RGS6: variants seen among roughly 807,000 people sequenced by gnomAD.
The protein encoded by RGS6 is regulator of G protein signaling 6.
Under a neutral mutation model 78.5 loss-of-function variants are expected in RGS6, and 30 were observed. That is an observed-to-expected ratio of 0.38 (90% CI 0.29 to 0.52). The LOEUF is 0.52. Ranked by LOEUF, RGS6 falls within the 20% of genes least tolerant of loss-of-function variation. The pLI, the probability that RGS6 is intolerant of heterozygous loss-of-function variation, is 0.85. For missense variants in RGS6, 495 were observed against 609.7 expected, an observed-to-expected ratio of 0.81 and a Z score of 1.98; for synonymous variants, 206 against 206.0, an observed-to-expected ratio of 1.00 and a Z score of 0.00.
intron 2 of RGS6, among the ~76,000 whole-genome samples, chr14:72,348,654 C>T (rs180910028): frequency 2.2e-4 from 33 of 152,096 alleles, no homozygotes; most frequent in African/African-American, 7.7e-4. Flanking sequence ...ATATATAGTC[C>T]CTAAGAGTTT....
chr14:72,033,559 G>A (rs2091240724), intron 2 of RGS6, among the ~76,000 whole-genome samples: 1 of 152,118 alleles, frequency 6.6e-6, no homozygotes, highest in Non-Finnish European at 1.5e-5. Context: ...TTACCCTCAT[G>A]ATCATGTGGC....
chr14:72,360,395 AC>A (rs1205968072), intron 3 of RGS6, among the ~76,000 whole-genome samples: 1 of 151,606 alleles, frequency 6.6e-6, no homozygotes, highest in Non-Finnish European at 1.5e-5. Flanking sequence ...GGTGGCGGGC[AC>A]CTGTAGTCCC....
chr14:72,356,233 G>A (rs1168025780), intron 3 of RGS6, among the ~76,000 whole-genome samples: 2 of 152,124 alleles, frequency 1.3e-5, no homozygotes. Context: ...AGCTCATGGG[G>A]AAGGTTCTCC....
At chr14:72,478,138 A>C in intron 11 of RGS6, 130 bp from the exon 12 acceptor site, 7 of 658,392 alleles carry the variant, frequency 1.1e-5, no homozygotes, top group South Asian at 1.9e-5. Flanking sequence ...GGCAGAGCTG[A>C]GGGAGTTGGA....
intron 3 of RGS6, among the ~76,000 whole-genome samples, chr14:72,368,525 C>G (rs780265351): frequency 1.3e-5 from 2 of 152,120 alleles, no homozygotes; most frequent in Admixed American, 1.3e-4. Context: ...TAATAACGTG[C>G]GATGATGGAT....
intron 2 of RGS6, among the ~76,000 whole-genome samples, chr14:72,138,092 A>G (rs2096475836): frequency 6.6e-6 from 1 of 152,182 alleles, no homozygotes; most frequent in South Asian, 2.1e-4. Context: ...AAGACCAAAT[A>G]TATCTTATTA....
chr14:72,547,091 G>C, intron 17 of RGS6: 1 of 1,325,690 alleles, frequency 7.5e-7, no homozygotes, highest in Non-Finnish European at 1.0e-6. Flanking sequence ...GGAGTGCAGG[G>C]CCCCCCGCAG....
chr14:72,611,737 T>C, the RGS6 span, among the ~76,000 whole-genome samples: 1 of 152,194 alleles, frequency 6.6e-6, no homozygotes, highest in African/African-American at 2.4e-5. Flanking sequence ...GGGCATCCAG[T>C]GCTTGGAAAA....
chr14:71,913,942 T>C, the RGS6 span, among the ~76,000 whole-genome samples: 1 of 152,254 alleles, frequency 6.6e-6, no homozygotes, highest in Admixed American at 6.5e-5. Flanking sequence ...ACTTAACTGT[T>C]AGAACTCATG....
chr14:72,319,483 G>T (rs1203581368), intron 2 of RGS6, among the ~76,000 whole-genome samples: 2 of 151,994 alleles, frequency 1.3e-5, no homozygotes, highest in Admixed American at 1.3e-4. Context: ...CCAAGTAGCT[G>T]GGACTACAGG....
At chr14:71,883,611 G>A in the RGS6 span, among the ~76,000 whole-genome samples, 1 of 152,176 alleles carries the variant, frequency 6.6e-6, no homozygotes, top group Non-Finnish European at 1.5e-5. Context: ...CTAAGTCGCA[G>A]GATGAGAGAG....
the RGS6 span, among the ~76,000 whole-genome samples, chr14:71,916,123 A>G: frequency 6.6e-6 from 1 of 152,252 alleles, no homozygotes; most frequent in Non-Finnish European, 1.5e-5. Context: ...AAAATGGTCT[A>G]ATCAGGATTC....
chr14:72,536,651 G>A (rs1486650000), intron 16 of RGS6, among the ~76,000 whole-genome samples: 1 of 152,144 alleles, frequency 6.6e-6, no homozygotes, highest in Non-Finnish European at 1.5e-5. Context: ...GCAAAGTCCA[G>A]CCCCTTCACC....
intron 2 of RGS6, among the ~76,000 whole-genome samples, chr14:72,153,835 G>A (rs1279236211): frequency 1.3e-5 from 2 of 152,136 alleles, no homozygotes; most frequent in Non-Finnish European, 2.9e-5. Context: ...CCTGATAAGG[G>A]TCTATGTTCA....
At chr14:72,395,279 G>A (rs1026014632) in intron 3 of RGS6, among the ~76,000 whole-genome samples, 4 of 152,080 alleles carry the variant, frequency 2.6e-5, no homozygotes, top group African/African-American at 9.7e-5. Flanking sequence ...AGCATTAAGT[G>A]GACTTCATTT....
chr14:71,913,317 T>C, the RGS6 span, among the ~76,000 whole-genome samples: 1 of 152,222 alleles, frequency 6.6e-6, no homozygotes, highest in African/African-American at 2.4e-5. Context: ...CTGCAAGGCA[T>C]ATGTACTAGC....
At chr14:72,244,676 C>T (rs1029702764) in intron 2 of RGS6, among the ~76,000 whole-genome samples, 1 of 152,148 alleles carries the variant, frequency 6.6e-6, no homozygotes, top group African/African-American at 2.4e-5. Context: ...ATACCTGCAC[C>T]CCACATGTGT....
At chr14:72,354,494 G>A (rs1389362411) in intron 3 of RGS6, among the ~76,000 whole-genome samples, 1 of 150,734 alleles carries the variant, frequency 6.6e-6, no homozygotes. Flanking sequence ...AAAATAGCTG[G>A]GTGTGGTGGC....
Position 72,306,808 on chromosome 14 carries a change from G to T in RGS6, c.85-45287G>T, listed in dbSNP as rs1349746666. Among the ~76,000 whole-genome samples the T allele has an allele frequency of 3.9e-5, 6 of 152,302 alleles. 1 individual carries two copies. The South Asian group carries it at 6.2e-4, about 16-fold the overall frequency. On this transcript the variant is annotated intron_variant, in intron 2 of 17. Transcript: ENST00000553525. Reference sequence around the variant, plus strand: ...GTTTCTTGAGATGGAATATGCTCCTGGTGAAAATGCTATGAACATTGTTGA... The same window carrying T: ...GTTTCTTGAGATGGAATATGCTCCTTGTGAAAATGCTATGAACATTGTTGA...
Sources: allele counts gnomAD v4.1 joint callset (sites outside exome capture counted in the v4.1 genomes callset), GRCh38; gene constraint gnomAD v4.1.1; transcripts MANE v1.5; gene names NCBI Gene and HGNC (gene_info 2026-07-23, HGNC 2026-07-21).